ADK: variants seen among roughly 807,000 people sequenced by gnomAD.
The protein encoded by ADK is N6,N6-dimethyladenosine kinase.
ADK carries 24 observed loss-of-function variants against 44.7 expected under a neutral mutation model. The ratio of observed to expected loss-of-function variants is 0.54; its 90% CI spans 0.39 to 0.76. ADK has a LOEUF of 0.76. Among genes scored for constraint, ADK ranks in the 30% least tolerant of loss-of-function variants. The pLI, the probability that ADK is intolerant of heterozygous loss-of-function variation, is 0.00. For missense variants in ADK, 321 were observed against 425.1 expected (o/e 0.76, Z 2.15); for synonymous variants, 128 against 142.6 (o/e 0.90, Z 0.73).
chr10:74,676,646 A>G (rs1855404143), intron 10 of ADK, among the ~76,000 whole-genome samples: 2 of 152,016 alleles, frequency 1.3e-5, no homozygotes, highest in South Asian at 4.1e-4. Context: ...TTTTGTAGAG[A>G]CAGAGTCTCA....
At chr10:74,421,708 G>A (rs1038601919) in intron 6 of ADK, among the ~76,000 whole-genome samples, 4 of 152,022 alleles carry the variant, frequency 2.6e-5, no homozygotes, top group Non-Finnish European at 5.9e-5. Flanking sequence ...TACAACATAA[G>A]CATGGAATAT....
At chr10:74,200,156 GTT>G (rs760622376) in intron 1 of ADK, among the ~76,000 whole-genome samples, 2,576 of 99,078 alleles carry the variant, frequency 0.026, 50 homozygotes, top group African/African-American at 0.1. Flanking sequence ...GACACCATCT[GTT>G]TTTTTTTTTT....
At chr10:74,594,632 C>A (rs561771459) in intron 8 of ADK, among the ~76,000 whole-genome samples, 106 of 147,292 alleles carry the variant, frequency 7.2e-4, no homozygotes, top group Middle Eastern at 3.5e-3. Flanking sequence ...TATATGCTGT[C>A]TGAAAGAGAT....
intron 6 of ADK, among the ~76,000 whole-genome samples, chr10:74,474,963 T>C (rs1253885972): frequency 6.6e-6 from 1 of 152,014 alleles, no homozygotes; most frequent in Non-Finnish European, 1.5e-5. Context: ...CCGTCTCTAC[T>C]AAAAATACAA....
intron 4 of ADK, among the ~76,000 whole-genome samples, chr10:74,352,258 A>G (rs934118765): frequency 9.2e-5 from 14 of 152,206 alleles, no homozygotes; most frequent in Admixed American, 7.9e-4. Context: ...CAGAGGCCTC[A>G]GAAATAATAC....
At chr10:74,609,405 A>T (rs1852460034) in intron 9 of ADK, among the ~76,000 whole-genome samples, 1 of 152,136 alleles carries the variant, frequency 6.6e-6, no homozygotes, top group Non-Finnish European at 1.5e-5. Context: ...GCGAGTTGTG[A>T]AGACCATGGG....
chr10:74,581,021 T>TAC (rs143153735), intron 7 of ADK, among the ~76,000 whole-genome samples: 40,044 of 145,106 alleles, frequency 0.28, 6,451 homozygotes, highest in Non-Finnish European at 0.38. Context: ...CAATAATAAA[T>TAC]ACACACACAC....
At chr10:74,426,901 C>G (rs1844816466) in intron 6 of ADK, among the ~76,000 whole-genome samples, 1 of 152,006 alleles carries the variant, frequency 6.6e-6, no homozygotes, top group Non-Finnish European at 1.5e-5. Context: ...CATCAACTAT[C>G]ACCTACATTA....
chr10:74,157,133 G>T (rs1564565022), intron 1 of ADK, among the ~76,000 whole-genome samples: 1 of 152,216 alleles, frequency 6.6e-6, no homozygotes, highest in Non-Finnish European at 1.5e-5. Flanking sequence ...AGATGGCTCA[G>T]AGTCAGGAAC....
chr10:74,321,266 T>G (rs547759364), intron 4 of ADK, among the ~76,000 whole-genome samples: 5 of 152,156 alleles, frequency 3.3e-5, no homozygotes, highest in African/African-American at 1.2e-4. Context: ...ATTATAACAT[T>G]GAGGCTATAT....
chr10:74,427,471 T>A lies in ADK; in HGVS notation c.555+28892T>A, dbSNP rs1350282691. On this transcript the variant is annotated intron_variant, in intron 6 of 10. Transcript: ENST00000539909. ...CCTTGGCTTCCCAAAGTGCTGGGAT[T>A]ACAGGTGTGAGCCACCGTGCCCGGC... 2.0e-5 allele frequency among the ~76,000 whole-genome samples: 3 copies of A among 152,208 alleles called. No individual in the cohort carries two copies. The East Asian group carries it at 5.8e-4, about 29-fold the overall frequency.
intron 6 of ADK, among the ~76,000 whole-genome samples, chr10:74,512,115 A>G (rs577254697): frequency 4.6e-5 from 7 of 152,298 alleles, no homozygotes; most frequent in African/African-American, 1.4e-4. Context: ...ATTCAGTGAC[A>G]TATGGTGGAC....
chr10:74,199,201 T>C (rs559973092), intron 1 of ADK, among the ~76,000 whole-genome samples: 7 of 152,218 alleles, frequency 4.6e-5, no homozygotes, highest in Non-Finnish European at 1.0e-4. Flanking sequence ...GGCTCCCTAA[T>C]AACATTCAGG....
At position 74,370,100 on chromosome 10, in the gene ADK, T is replaced by C. The variant is rs145483729; in HGVS notation, c.274-24041T>C. Reference sequence around the variant, plus strand: ...TCTGGAAGACCTTTACTCTGAAAACTGTAAAAACATTACTGAATGAAAATA... The same window carrying C: ...TCTGGAAGACCTTTACTCTGAAAACCGTAAAAACATTACTGAATGAAAATA... On this transcript the variant is annotated intron_variant, in intron 4 of 10. Transcript: ENST00000539909. Among the ~76,000 whole-genome samples the C allele has an allele frequency of 5.2e-3, 792 of 152,286 alleles. 6 individuals are homozygous for C. Among genetic ancestry groups the C allele is most frequent in the African/African-American group, 0.018 (748 of 41,580 alleles).
chr10:74,337,799 G>A (rs926536985), intron 4 of ADK, among the ~76,000 whole-genome samples: 1 of 130,426 alleles, frequency 7.7e-6, no homozygotes, highest in Non-Finnish European at 1.6e-5. Context: ...TCTTGCTCTT[G>A]TAGCCCAGGC....
At chr10:74,371,258 A>G (rs570314287) in intron 4 of ADK, among the ~76,000 whole-genome samples, 3 of 152,346 alleles carry the variant, frequency 2.0e-5, no homozygotes, top group Non-Finnish European at 4.4e-5. Flanking sequence ...AAAATGTTCT[A>G]CAATGATTTG....
intron 7 of ADK, among the ~76,000 whole-genome samples, chr10:74,563,973 A>G (rs1850553669): frequency 6.6e-6 from 1 of 152,060 alleles, no homozygotes; most frequent in South Asian, 2.1e-4. Context: ...TACATGTGCC[A>G]TGCTGGTGCG....
chr10:74,285,985 C>A (rs1274960814), intron 3 of ADK, among the ~76,000 whole-genome samples: 1 of 152,088 alleles, frequency 6.6e-6, no homozygotes, highest in African/African-American at 2.4e-5. Flanking sequence ...TCCTTAAGGT[C>A]TTAATAGTCT....
chr10:74,272,423 G>T (rs889696951), intron 3 of ADK, among the ~76,000 whole-genome samples: 2 of 151,844 alleles, frequency 1.3e-5, no homozygotes, highest in African/African-American at 4.8e-5. Flanking sequence ...CTACAGGCGC[G>T]CACTACCATG....
Sources: gnomAD v4.1 joint callset for allele counts (sites outside exome capture counted in the v4.1 genomes callset) on GRCh38, gnomAD v4.1.1 for gene constraint, MANE v1.5 for transcripts, NCBI Gene and HGNC (gene_info 2026-07-23, HGNC 2026-07-21) for gene names.